The following PACRG variants were observed in gnomAD, a reference collection of about 807,000 sequenced individuals.
The protein encoded by PACRG is parkin coregulated, also known as parkin coregulated gene protein.
Under a neutral mutation model 29.7 loss-of-function variants are expected in PACRG, and 29 were observed. The observed-to-expected ratio is 0.98, with a 90% CI of 0.73 to 1.33. The LOEUF (loss-of-function observed/expected upper bound fraction) is 1.33, where lower values mean the gene tolerates loss of function less well. PACRG is among the 40% of genes most tolerant of loss of function. The probability of loss-of-function intolerance (pLI) is 0.00; values close to 1 mark genes in which losing one functional copy is unlikely to be tolerated. For missense variants in PACRG, 279 were observed against 316.2 expected, an observed-to-expected ratio of 0.88 and a Z score of 0.89; for synonymous variants, 116 against 118.7, an observed-to-expected ratio of 0.98 and a Z score of 0.15.
At chr6:162,983,817 C>T (rs1433973411) in intron 2 of PACRG, among the ~76,000 whole-genome samples, 2 of 151,932 alleles carry the variant, frequency 1.3e-5, no homozygotes, top group Non-Finnish European at 2.9e-5. Context: ...AATTTTTCAG[C>T]TGTTCTTTGA....
At chr6:163,109,269 T>C (rs1487791757) in intron 4 of PACRG, among the ~76,000 whole-genome samples, 2 of 152,224 alleles carry the variant, frequency 1.3e-5, no homozygotes, top group Non-Finnish European at 2.9e-5. Flanking sequence ...ACCAATCTTA[T>C]TACTTGTTCA....
rs374674631 is a variant in PACRG at position 163,153,522 on chromosome 6, T to C, written c.613+64114T>C. 4.6e-5 allele frequency among the ~76,000 whole-genome samples: 7 copies of C among 152,396 alleles called. No individual in the cohort carries two copies. The South Asian group carries it at 6.2e-4, about 14-fold the overall frequency. On this transcript the variant is annotated intron_variant, in intron 4 of 4. Transcript: ENST00000366888. ...AATGGTGAATTTTGTCATTGATTCC[T>C]GTGTAGTCACGTGAATTCTTGGAGT...
At chr6:162,747,493 T>TATATATATATATATATA (rs71008109) in intron 1 of PACRG, among the ~76,000 whole-genome samples, 32 of 127,562 alleles carry the variant, frequency 2.5e-4, no homozygotes, top group African/African-American at 3.6e-4. Flanking sequence ...TATATATATA[T>TATATATATATATATATA]TCCATTAGTT....
rs772171512 is a variant in PACRG, at chr6:162,728,274, C to T, written c.39C>T (p.Cys13=). The T allele has an allele frequency of 5.0e-6, 8 of 1,613,788 alleles. No individual in the cohort carries two copies. The highest frequency in any genetic ancestry group is 5.1e-6 in the Non-Finnish European group (6 of 1,180,024). The change falls in exon 1 of 5, where the codon TGC becomes TGT. Residue 13 remains cysteine (C), a synonymous_variant. Coordinates refer to ENST00000366888, the MANE Select transcript of PACRG (RefSeq NM_001080379.2). ...AAGAGACCCTGAGCTTAAACAAATG[C>T]CCAGACAAGATGCCGAAGAGGACCA... ...AEKETLSLNK[C]PDKMPKRTKL...
chr6:163,152,261 AT>A (rs1431789704), intron 4 of PACRG, among the ~76,000 whole-genome samples: 1 of 152,242 alleles, frequency 6.6e-6, no homozygotes, highest in African/African-American at 2.4e-5. Flanking sequence ...ATTTTGGGAC[AT>A]TAAATGGCTA....
chr6:163,226,798 C>G (rs12210929), intron 4 of PACRG, among the ~76,000 whole-genome samples: 1 of 152,026 alleles, frequency 6.6e-6, no homozygotes, highest in Non-Finnish European at 1.5e-5. Flanking sequence ...CAGCCTCCAC[C>G]GTGACCCATG....
At chr6:162,966,550 C>G (rs373507510) in intron 2 of PACRG, among the ~76,000 whole-genome samples, 15 of 147,506 alleles carry the variant, frequency 1.0e-4, no homozygotes, top group African/African-American at 3.5e-4. Flanking sequence ...GATCTCGGCT[C>G]ACTGCAAGCT....
intron 2 of PACRG, among the ~76,000 whole-genome samples, chr6:162,875,790 G>C (rs1316785912): frequency 2.0e-5 from 3 of 152,158 alleles, no homozygotes; most frequent in Non-Finnish European, 4.4e-5. Context: ...CAAGTTTTAT[G>C]TTTAAATAGT....
intron 4 of PACRG, among the ~76,000 whole-genome samples, chr6:163,270,247 G>A (rs1436413013): frequency 6.6e-6 from 1 of 152,132 alleles, no homozygotes; most frequent in Non-Finnish European, 1.5e-5. Context: ...GGAGGTCTAG[G>A]TCGGCAGGCT....
chr6:162,978,069 G>A (rs889308642), intron 2 of PACRG, among the ~76,000 whole-genome samples: 6 of 150,570 alleles, frequency 4.0e-5, no homozygotes, highest in African/African-American at 1.2e-4. Flanking sequence ...ACTTGAACCC[G>A]GGAGCCGGAG....
At chr6:162,782,868 T>C (rs1440502500) in intron 1 of PACRG, among the ~76,000 whole-genome samples, 1 of 151,868 alleles carries the variant, frequency 6.6e-6, no homozygotes, top group Non-Finnish European at 1.5e-5. Context: ...ACTAAGAGAT[T>C]TTAAATATTC....
At chr6:163,161,408 G>C (rs751334808) in intron 4 of PACRG, among the ~76,000 whole-genome samples, 2 of 152,050 alleles carry the variant, frequency 1.3e-5, no homozygotes, top group Non-Finnish European at 2.9e-5. Context: ...GTGATGCCTC[G>C]CAGAACATGC....
intron 4 of PACRG, among the ~76,000 whole-genome samples, chr6:163,295,360 T>C (rs1244474141): frequency 6.6e-6 from 1 of 152,206 alleles, no homozygotes; most frequent in Non-Finnish European, 1.5e-5. Flanking sequence ...GGAATTTCTG[T>C]GTTAATTGGC....
At chr6:163,103,449 G>A (rs777885087) in intron 4 of PACRG, among the ~76,000 whole-genome samples, 4 of 152,010 alleles carry the variant, frequency 2.6e-5, no homozygotes, top group East Asian at 1.9e-4. Context: ...TCAAGGGCTC[G>A]TGTGATTCCC....
At chr6:162,897,826 G>C (rs1795277967) in intron 2 of PACRG, among the ~76,000 whole-genome samples, 2 of 152,210 alleles carry the variant, frequency 1.3e-5, no homozygotes, top group Admixed American at 1.3e-4. Context: ...CTGCAGAAAG[G>C]GTTTAGCCCT....
chr6:163,225,526 A>G (rs979500093), intron 4 of PACRG, among the ~76,000 whole-genome samples: 1 of 152,208 alleles, frequency 6.6e-6, no homozygotes, highest in Non-Finnish European at 1.5e-5. Context: ...CTCAGGTAGT[A>G]TCTTTATAGC....
At chr6:163,154,480 C>T (rs901580758) in intron 4 of PACRG, among the ~76,000 whole-genome samples, 9 of 152,158 alleles carry the variant, frequency 5.9e-5, no homozygotes, top group East Asian at 3.9e-4. Context: ...GGAATGCTGG[C>T]GTCCCCAGTA....
chr6:163,073,048 A>G (rs1253348679), intron 3 of PACRG, among the ~76,000 whole-genome samples: 1 of 152,224 alleles, frequency 6.6e-6, no homozygotes, highest in East Asian at 1.9e-4. Flanking sequence ...TACAGATTCA[A>G]TGCAATCTCT....
At chr6:162,903,541 G>A (rs1259151575) in intron 2 of PACRG, among the ~76,000 whole-genome samples, 1 of 148,164 alleles carries the variant, frequency 6.7e-6, no homozygotes, top group Non-Finnish European at 1.5e-5. Flanking sequence ...CCAAGTGAAA[G>A]GGGTTTCCCC....
Sources: gnomAD v4.1 joint callset for allele counts (sites outside exome capture counted in the v4.1 genomes callset) on GRCh38, gnomAD v4.1.1 for gene constraint, MANE v1.5 for transcripts, NCBI Gene and HGNC (gene_info 2026-07-23, HGNC 2026-07-21) for gene names.